The following BPI variants were observed in gnomAD, a reference collection of about 807,000 sequenced individuals.
The protein encoded by BPI is bactericidal permeability increasing protein, also known as bactericidal permeability-increasing protein.
In BPI, 48 loss-of-function variants were observed where a neutral mutation model predicts 57.6. The observed-to-expected ratio is 0.83, with a 90% CI of 0.66 to 1.06. BPI has a LOEUF of 1.06. Ranked by LOEUF, BPI falls within the 50% of genes least tolerant of loss-of-function variation. The pLI, the probability that BPI is intolerant of heterozygous loss-of-function variation, is 0.00. For missense variants in BPI, 651 were observed against 609.7 expected (o/e 1.07, Z -0.71); for synonymous variants, 237 against 238.2 (o/e 0.99, Z 0.05).
intron 1 of BPI, among the ~76,000 whole-genome samples, chr20:38,307,294 T>C (rs1467756191): frequency 4.6e-5 from 7 of 152,238 alleles, no homozygotes; most frequent in African/African-American, 1.7e-4. Context: ...GTTATTGGAA[T>C]ACAGGCACAT....
intron 1 of BPI, among the ~76,000 whole-genome samples, chr20:38,306,790 A>G (rs1249382134): frequency 6.6e-6 from 1 of 152,202 alleles, no homozygotes; most frequent in Non-Finnish European, 1.5e-5. Flanking sequence ...TGGGTGTTTC[A>G]GGGGTGATAT....
chr20:38,305,250 G>T (rs2076591531), intron 1 of BPI, among the ~76,000 whole-genome samples: 1 of 151,362 alleles, frequency 6.6e-6, no homozygotes, highest in Non-Finnish European at 1.5e-5. Context: ...GCTGCAGACA[G>T]AAGGCCACAG....
chr20:38,314,850 A>G (rs1215935799), intron 5 of BPI, among the ~76,000 whole-genome samples: 1 of 136,882 alleles, frequency 7.3e-6, no homozygotes, highest in Admixed American at 7.0e-5. Flanking sequence ...GTAATGGTGG[A>G]GATGATGATG....
intron 11 of BPI, among the ~76,000 whole-genome samples, chr20:38,328,368 C>G (rs1361490687): frequency 1.3e-5 from 2 of 151,922 alleles, no homozygotes; most frequent in African/African-American, 4.8e-5. Flanking sequence ...GTCTGGCCAA[C>G]ATGGTGAAAC....
intron 5 of BPI, among the ~76,000 whole-genome samples, chr20:38,314,560 G>C (rs2076641601): frequency 8.2e-6 from 1 of 121,972 alleles, no homozygotes; most frequent in Non-Finnish European, 1.7e-5. Flanking sequence ...GTGATGGTGG[G>C]GATGATGATG....
intron 12 of BPI, among the ~76,000 whole-genome samples, chr20:38,332,727 G>A (rs1050441397): frequency 3.3e-5 from 5 of 152,144 alleles, no homozygotes; most frequent in Admixed American, 2.0e-4. Flanking sequence ...GAGAAACCCA[G>A]CTCAAGTAGG....
intron 14 of BPI, 43 bp downstream of exon 14, chr20:38,335,717 T>G: frequency 1.3e-6 from 2 of 1,580,662 alleles, no homozygotes; most frequent in Middle Eastern, 1.7e-4. Flanking sequence ...CTAACGATAG[T>G]GACCAACAGC....
chr20:38,328,228 C>T (rs1471150404), intron 11 of BPI, among the ~76,000 whole-genome samples: 3 of 152,136 alleles, frequency 2.0e-5, no homozygotes, highest in East Asian at 1.9e-4. Flanking sequence ...AGCACCAAAA[C>T]GCTGCCAACT....
chr20:38,323,678 C>G (rs929092237), intron 7 of BPI, among the ~76,000 whole-genome samples, 192 bp from the exon 8 acceptor site: 12 of 152,324 alleles, frequency 7.9e-5, no homozygotes, highest in South Asian at 2.1e-4. Context: ...TACCTGCCTT[C>G]CCAGGACTGG....
In BPI at chr20:38,307,570, G is replaced by C; in HGVS notation, c.134G>C (p.Ser45Thr). 3 of 1,600,912 alleles carry C rather than the reference G, an allele frequency of 1.9e-6. No homozygotes were observed. Among genetic ancestry groups the C allele is most frequent in the Non-Finnish European group, 2.6e-6 (3 of 1,174,690 alleles). Residue 45 changes from serine (S) to threonine (T), a missense_variant, in exon 2 of 15, where the codon AGC becomes ACC. Ser to Thr is a moderately conservative substitution (Grantham distance 58). Transcript: ENST00000642449. ...CACCCCTGCCTTCTCCCTTCAGCCA[G>C]CCAGCAGGGGACGGCCGCTCTGCAG... is the stretch of plus-strand genomic sequence containing the variant. ...RISQKGLDYASQQGTAALQKE... is the reference protein window; with the variant it reads ...RISQKGLDYATQQGTAALQKE...
intron 6 of BPI, 71 bp downstream of exon 6, chr20:38,318,547 G>C (rs1423650475): frequency 2.6e-6 from 4 of 1,544,004 alleles, no homozygotes; most frequent in Non-Finnish European, 3.6e-6. Flanking sequence ...CAGGGTGGAT[G>C]TGATGGGGCC....
chr20:38,334,820 G>C (rs944684334), intron 13 of BPI, among the ~76,000 whole-genome samples: 5 of 152,186 alleles, frequency 3.3e-5, no homozygotes, highest in Non-Finnish European at 1.5e-5. Context: ...GAGCAGGCAA[G>C]AGATGGGGCA....
intron 14 of BPI, among the ~76,000 whole-genome samples, 174 bp from the exon 15 acceptor site, chr20:38,336,972 A>T (rs572118295): frequency 1.1e-4 from 16 of 152,062 alleles, no homozygotes; most frequent in Non-Finnish European, 2.2e-4. Context: ...AGATGTTGGC[A>T]GCTGTGGATG....
In BPI at chr20:38,322,840, C is replaced by T. The variant is rs966561560; in HGVS notation, c.757-1030C>T. 2.0e-5 allele frequency among the ~76,000 whole-genome samples: 3 copies of T among 152,310 alleles called. No homozygotes were observed. The South Asian group carries it at 6.2e-4, about 32-fold the overall frequency. Reference sequence around the variant, plus strand: ...GGCCAGGCTAATCTCAAATTCCTGACCTCAGGTGATGCACCTGCCTTGGCC... The same window carrying T: ...GGCCAGGCTAATCTCAAATTCCTGATCTCAGGTGATGCACCTGCCTTGGCC... On this transcript the variant is annotated intron_variant, in intron 7 of 14. Transcript: ENST00000642449.
intron 5 of BPI, among the ~76,000 whole-genome samples, chr20:38,313,184 A>G (rs1256913334): frequency 6.6e-6 from 1 of 152,166 alleles, no homozygotes; most frequent in Non-Finnish European, 1.5e-5. Flanking sequence ...TAGGAGTTCA[A>G]GACCAGCCTG....
In BPI at chr20:38,313,370, T is replaced by C. The variant is rs563134406; in HGVS notation, c.600+1433T>C. Reference sequence around the variant, plus strand: ...TGCACTCCAGCCTGGGCAACGAGAGTGAAACCCTGTCTCAAAAAAAAAAAA... The same window carrying C: ...TGCACTCCAGCCTGGGCAACGAGAGCGAAACCCTGTCTCAAAAAAAAAAAA... On this transcript the variant is annotated intron_variant, in intron 5 of 14. Coordinates refer to ENST00000642449, the MANE Select transcript of BPI (RefSeq NM_001725.3). Among the ~76,000 whole-genome samples the C allele has an allele frequency of 5.5e-5, 6 of 108,364 alleles. No individual in the cohort carries two copies. The East Asian group carries it at 1.4e-3, about 25-fold the overall frequency. 71.1% of individuals were successfully genotyped at this position (108,364 alleles called of 152,430 possible).
At chr20:38,304,802 C>T (rs1243254628) in intron 1 of BPI, among the ~76,000 whole-genome samples, 1 of 152,232 alleles carries the variant, frequency 6.6e-6, no homozygotes, top group African/African-American at 2.4e-5. Context: ...ATACTGTGCA[C>T]AGTGCTCCAC....
chr20:38,306,278 A>G (rs2076596251), intron 1 of BPI, among the ~76,000 whole-genome samples: 1 of 152,140 alleles, frequency 6.6e-6, no homozygotes, highest in African/African-American at 2.4e-5. Context: ...AAAGTGATCC[A>G]CTTGCCTTGG....
chr20:38,314,903 G>T (rs934543318), intron 5 of BPI, among the ~76,000 whole-genome samples: 4 of 151,778 alleles, frequency 2.6e-5, no homozygotes, highest in African/African-American at 9.7e-5. Context: ...GATGGTGATG[G>T]TGATGGTGAT....
Sources: allele counts gnomAD v4.1 joint callset (sites outside exome capture counted in the v4.1 genomes callset), GRCh38; gene constraint gnomAD v4.1.1; transcripts MANE v1.5; gene names NCBI Gene and HGNC (gene_info 2026-07-23, HGNC 2026-07-21).